The following FHOD3 variants were observed in gnomAD, a reference collection of about 807,000 sequenced individuals.
FHOD3 encodes FH1/FH2 domain-containing protein 3.
Under a neutral mutation model 173.0 loss-of-function variants are expected in FHOD3, and 90 were observed. The ratio of observed to expected loss-of-function variants is 0.52; its 90% CI spans 0.44 to 0.62. FHOD3 has a LOEUF of 0.62. Among genes scored for constraint, FHOD3 ranks in the 20% least tolerant of loss-of-function variants. FHOD3 has a pLI of 0.00. For missense variants in FHOD3, 1,945 were observed against 2,034.7 expected, an observed-to-expected ratio of 0.96 and a Z score of 0.85; for synonymous variants, 828 against 823.0, an observed-to-expected ratio of 1.01 and a Z score of -0.10.
intron 3 of FHOD3, among the ~76,000 whole-genome samples, chr18:36,430,992 A>G (rs1035145397): frequency 6.6e-6 from 1 of 152,234 alleles, no homozygotes; most frequent in Admixed American, 6.5e-5. Flanking sequence ...TACAAAGCTG[A>G]TAGGGATAGC....
intron 17 of FHOD3, among the ~76,000 whole-genome samples, chr18:36,695,083 G>A (rs919932901): frequency 9.2e-5 from 14 of 151,782 alleles, no homozygotes; most frequent in East Asian, 5.8e-4. Flanking sequence ...TGGCTCTTGC[G>A]TGTAATCCCA....
intron 1 of FHOD3, among the ~76,000 whole-genome samples, chr18:36,342,084 A>T (rs2045652429): frequency 6.6e-6 from 1 of 152,224 alleles, no homozygotes; most frequent in South Asian, 2.1e-4. Context: ...ATACAAAAAA[A>T]GTATGGAGTA....
At chr18:36,535,896 T>G (rs2056974203) in intron 5 of FHOD3, among the ~76,000 whole-genome samples, 1 of 152,214 alleles carries the variant, frequency 6.6e-6, no homozygotes, top group African/African-American at 2.4e-5. Context: ...ACTGAGATTA[T>G]TGAGTAGGTA....
At chr18:36,303,208 C>T (rs943176406) in intron 1 of FHOD3, among the ~76,000 whole-genome samples, 1 of 152,206 alleles carries the variant, frequency 6.6e-6, no homozygotes, top group Non-Finnish European at 1.5e-5. Context: ...AACTGAGGCA[C>T]AGGAGGTTAA....
chr18:36,446,394 C>T (rs1480166281), intron 3 of FHOD3, among the ~76,000 whole-genome samples: 10 of 151,108 alleles, frequency 6.6e-5, no homozygotes, highest in African/African-American at 2.4e-4. Context: ...TACTCAGCAG[C>T]CCAAGCCTCT....
chr18:36,636,519 C>T (rs186152848), intron 10 of FHOD3, among the ~76,000 whole-genome samples: 16 of 152,200 alleles, frequency 1.1e-4, no homozygotes, highest in Admixed American at 9.8e-4. Flanking sequence ...AGCCTAAATG[C>T]CTTTGATCGT....
chr18:36,391,253 T>TG (rs1312774008), intron 3 of FHOD3, among the ~76,000 whole-genome samples: 1 of 152,100 alleles, frequency 6.6e-6, no homozygotes, highest in Admixed American at 6.5e-5. Flanking sequence ...ACCTAGTGTC[T>TG]GGGGGGCAAA....
At position 36,502,807 on chromosome 18, in the gene FHOD3, T is replaced by C. The variant is rs28379851; in HGVS notation, c.405+808T>C. 5.9e-3 allele frequency among the ~76,000 whole-genome samples: 900 copies of C among 152,288 alleles called. 6 individuals carry two copies. Among genetic ancestry groups the C allele is most frequent in the African/African-American group, 0.02 (818 of 41,558 alleles). On this transcript the variant is annotated intron_variant, in intron 4 of 28. Coordinates refer to ENST00000590592, the MANE Select transcript of FHOD3 (RefSeq NM_001281740.3). ...CTACCCCCACATGCATGTTTCCTAA[T>C]GGTAAATATTCACCAACAATATGTG...
chr18:36,363,393 T>C (rs2046729504), intron 2 of FHOD3, among the ~76,000 whole-genome samples: 1 of 152,254 alleles, frequency 6.6e-6, no homozygotes, highest in Non-Finnish European at 1.5e-5. Context: ...GGAAACAAGA[T>C]GTCCTTCTGT....
intron 16 of FHOD3, among the ~76,000 whole-genome samples, chr18:36,690,323 A>G (rs2038880608): frequency 6.6e-6 from 1 of 152,178 alleles, no homozygotes; most frequent in South Asian, 2.1e-4. Flanking sequence ...AAAAGTAGGA[A>G]GTCTTTTCTT....
intron 16 of FHOD3, among the ~76,000 whole-genome samples, chr18:36,687,796 CTTTA>C (rs1167800245): frequency 6.6e-6 from 1 of 152,140 alleles, no homozygotes; most frequent in East Asian, 1.9e-4. Flanking sequence ...CTGTAAACTA[CTTTA>C]TTTCTTTTTT....
At chr18:36,320,026 A>G (rs952497953) in intron 1 of FHOD3, among the ~76,000 whole-genome samples, 1 of 152,250 alleles carries the variant, frequency 6.6e-6, no homozygotes, top group South Asian at 2.1e-4. Flanking sequence ...TGCCCACAAG[A>G]GAAAGCAGGA....
intron 1 of FHOD3, among the ~76,000 whole-genome samples, chr18:36,334,204 G>C (rs2045180258): frequency 6.6e-6 from 1 of 152,214 alleles, no homozygotes; most frequent in East Asian, 1.9e-4. Flanking sequence ...AACTCTGATT[G>C]TGTTAAAATA....
chr18:36,701,171 T>G (rs1051395521), intron 17 of FHOD3, among the ~76,000 whole-genome samples: 1 of 152,242 alleles, frequency 6.6e-6, no homozygotes, highest in Non-Finnish European at 1.5e-5. Context: ...CTCATGAATC[T>G]GCAGAGACAG....
chr18:36,375,188 G>A lies in FHOD3; in HGVS notation c.337+2444G>A, dbSNP rs1168998276. Among the ~76,000 whole-genome samples the A allele has an allele frequency of 2.6e-5, 4 of 152,160 alleles. No individual in the cohort carries two copies. The East Asian group carries it at 7.7e-4, about 29-fold the overall frequency. On this transcript the variant is annotated intron_variant, in intron 3 of 28. Transcript: ENST00000590592. ...TTAGATGAGATTTCTTATGGATAAA[G>A]AAAACAATACCCGGAACAATTTTGA...
chr18:36,512,691 C>T, intron 5 of FHOD3, 148 bp downstream of exon 5: 2 of 491,384 alleles, frequency 4.1e-6, no homozygotes, highest in South Asian at 4.2e-5. Flanking sequence ...AAACATCTGC[C>T]ATAGGTAAAA....
intron 4 of FHOD3, among the ~76,000 whole-genome samples, chr18:36,504,977 G>T (rs1173759481): frequency 6.6e-6 from 1 of 152,112 alleles, no homozygotes; most frequent in Non-Finnish European, 1.5e-5. Context: ...AAGGAAAAAA[G>T]AACCTCCTGC....
At chr18:36,550,051 TG>T (rs2057580580) in intron 5 of FHOD3, among the ~76,000 whole-genome samples, 1 of 151,840 alleles carries the variant, frequency 6.6e-6, no homozygotes, top group Non-Finnish European at 1.5e-5. Flanking sequence ...CACCAACTAT[TG>T]AAAAAATGAT....
chr18:36,758,699 G>C (rs892486344), intron 25 of FHOD3, among the ~76,000 whole-genome samples: 2 of 152,350 alleles, frequency 1.3e-5, no homozygotes, highest in Admixed American at 6.5e-5. Flanking sequence ...AGTCCACTTA[G>C]AGGGGCCTTG....
Sources: gnomAD v4.1 joint callset for allele counts (sites outside exome capture counted in the v4.1 genomes callset) on GRCh38, gnomAD v4.1.1 for gene constraint, MANE v1.5 for transcripts, NCBI Gene and HGNC (gene_info 2026-07-23, HGNC 2026-07-21) for gene names.